Variants in DLG2 observed in about 807,000 individuals in gnomAD.
The protein encoded by DLG2 is discs large MAGUK scaffold protein 2.
Under a neutral mutation model 132.5 loss-of-function variants are expected in DLG2, and 45 were observed. The ratio of observed to expected loss-of-function variants is 0.34; its 90% CI spans 0.27 to 0.44. DLG2 has a LOEUF of 0.44. Among genes scored for constraint, DLG2 ranks in the 20% least tolerant of loss-of-function variants. The pLI, the probability that DLG2 is intolerant of heterozygous loss-of-function variation, is 1.00. For missense variants in DLG2, 1,045 were observed against 1,196.9 expected (o/e 0.87, Z 1.87); for synonymous variants, 424 against 419.6 (o/e 1.01, Z -0.13).
intron 19 of DLG2, among the ~76,000 whole-genome samples, chr11:83,620,989 T>A (rs1241284361): frequency 6.6e-6 from 1 of 151,976 alleles, no homozygotes; most frequent in Non-Finnish European, 1.5e-5. Flanking sequence ...TTAATTTTTT[T>A]AGCTATAAGG....
At chr11:85,217,312 T>TCACA (rs2082681169) in intron 4 of DLG2, among the ~76,000 whole-genome samples, 2 of 23,448 alleles carry the variant, frequency 8.5e-5, no homozygotes, top group African/African-American at 1.3e-4. Context: ...AGATTCTCTC[T>TCACA]CTCTCTCACA....
intron 6 of DLG2, among the ~76,000 whole-genome samples, chr11:84,865,051 A>G (rs2084338381): frequency 6.6e-6 from 1 of 152,180 alleles, no homozygotes; most frequent in Non-Finnish European, 1.5e-5. Context: ...AAAGGGCTTG[A>G]CAGTGGCCAG....
At chr11:84,209,276 A>C (rs1054321267) in intron 8 of DLG2, among the ~76,000 whole-genome samples, 1 of 152,248 alleles carries the variant, frequency 6.6e-6, no homozygotes, top group African/African-American at 2.4e-5. Context: ...TTCACAGGAT[A>C]CTTGGCCAGT....
intron 3 of DLG2, among the ~76,000 whole-genome samples, chr11:85,577,469 G>A (rs982962236): frequency 6.6e-6 from 1 of 152,090 alleles, no homozygotes; most frequent in Admixed American, 6.6e-5. Flanking sequence ...TATTGAGATA[G>A]TGAAGACTAG....
chr11:84,226,456 A>T (rs1217640303), intron 8 of DLG2, among the ~76,000 whole-genome samples: 5 of 152,222 alleles, frequency 3.3e-5, no homozygotes, highest in Admixed American at 6.5e-5. Context: ...TTCAGGGATC[A>T]AAATGTCACA....
At chr11:84,969,022 C>T (rs1439225361) in intron 6 of DLG2, among the ~76,000 whole-genome samples, 1 of 150,864 alleles carries the variant, frequency 6.6e-6, no homozygotes, top group African/African-American at 2.4e-5. Context: ...GAAAGCCTCT[C>T]TACTTAAAGC....
intron 6 of DLG2, among the ~76,000 whole-genome samples, chr11:84,738,240 G>A (rs1470022177): frequency 8.9e-5 from 13 of 146,682 alleles, no homozygotes; most frequent in Admixed American, 8.8e-4. Context: ...CTTTTTTTTT[G>A]CTTGTTAAAA....
intron 7 of DLG2, among the ~76,000 whole-genome samples, chr11:84,421,576 C>A (rs917211931): frequency 2.6e-5 from 4 of 152,192 alleles, no homozygotes; most frequent in African/African-American, 9.6e-5. Flanking sequence ...ATTCTGCTAC[C>A]AGATAAGTTT....
chr11:85,605,397 A>G (rs1392388065), intron 2 of DLG2, among the ~76,000 whole-genome samples: 1 of 152,258 alleles, frequency 6.6e-6, no homozygotes, highest in African/African-American at 2.4e-5. Flanking sequence ...ACTGAATTTT[A>G]GAATCTAGGG....
At chr11:85,103,156 GAT>G (rs1251412137) in intron 6 of DLG2, among the ~76,000 whole-genome samples, 16 of 151,942 alleles carry the variant, frequency 1.1e-4, no homozygotes, top group African/African-American at 3.4e-4. Context: ...TGGATCAGAA[GAT>G]ATAATACTGA....
At chr11:83,470,166 CGAT>C (rs71066041) in intron 24 of DLG2, among the ~76,000 whole-genome samples, 32,686 of 151,436 alleles carry the variant, frequency 0.22, 4,046 homozygotes, top group Non-Finnish European at 0.29. Context: ...AACACAATTA[CGAT>C]GATATTTTTG....
At chr11:84,109,262 G>C (rs183765792) in intron 9 of DLG2, among the ~76,000 whole-genome samples, 1 of 152,286 alleles carries the variant, frequency 6.6e-6, no homozygotes, top group African/African-American at 2.4e-5. Context: ...AAAGTTCTAA[G>C]CAAAGTTATC....
chr11:84,900,035 T>C (rs150004128), intron 6 of DLG2, among the ~76,000 whole-genome samples: 1 of 152,136 alleles, frequency 6.6e-6, no homozygotes, highest in African/African-American at 2.4e-5. Flanking sequence ...GAATTTGCCT[T>C]AGATCATTAA....
rs1593115420 is a variant in DLG2, at chr11:85,040,625, C to A, written c.357+71036G>T. Among the ~76,000 whole-genome samples, 3 of 152,062 alleles carry A rather than the reference C, an allele frequency of 2.0e-5. No homozygotes were observed. The East Asian group carries it at 5.8e-4, about 29-fold the overall frequency. The stretch of plus-strand genomic sequence containing the variant: ...TCTGCCTTGTGAACTTTTATAACCT[C>A]ACTCTGTTACAGACACCATCAATCT... On this transcript the variant is annotated intron_variant, in intron 6 of 27. Coordinates refer to ENST00000376104, the MANE Select transcript of DLG2 (RefSeq NM_001142699.3).
Position 85,424,424 on chromosome 11 carries a change from T to C in DLG2, c.41-139059A>G, listed in dbSNP as rs547174761. ...CCAAGTCAGAGCTGCAATCTAGTCC[T>C]ACCTCCCATCCGCCATGACCCCCAG... On this transcript the variant is annotated intron_variant, in intron 3 of 27. Transcript: ENST00000376104. Among the ~76,000 whole-genome samples, 4 of 152,300 alleles carry C rather than the reference T, an allele frequency of 2.6e-5. No individual in the cohort carries two copies. In the South Asian group the frequency reaches 8.3e-4, roughly 32 times the overall value.
At chr11:83,735,954 C>T (rs1377253235) in intron 18 of DLG2, among the ~76,000 whole-genome samples, 1 of 152,160 alleles carries the variant, frequency 6.6e-6, no homozygotes, top group Non-Finnish European at 1.5e-5. Flanking sequence ...CAGCAACATC[C>T]AGAAAACAGG....
intron 18 of DLG2, among the ~76,000 whole-genome samples, chr11:83,747,053 T>C (rs1453414311): frequency 6.6e-6 from 1 of 152,142 alleles, no homozygotes; most frequent in Non-Finnish European, 1.5e-5. Context: ...GGACATATAA[T>C]AACCTTAAAC....
At chr11:85,590,489 A>C (rs1202515881) in intron 3 of DLG2, among the ~76,000 whole-genome samples, 2 of 152,202 alleles carry the variant, frequency 1.3e-5, no homozygotes, top group East Asian at 3.8e-4. Flanking sequence ...AATAATGTCT[A>C]TATCACATTC....
chr11:83,828,058 T>C (rs897676813), intron 17 of DLG2, among the ~76,000 whole-genome samples: 24 of 152,018 alleles, frequency 1.6e-4, no homozygotes, highest in African/African-American at 5.6e-4. Context: ...GGATAAGGGG[T>C]AGGCCTGGAA....
Sources: allele counts gnomAD v4.1 joint callset (sites outside exome capture counted in the v4.1 genomes callset), GRCh38; gene constraint gnomAD v4.1.1; transcripts MANE v1.5; gene names NCBI Gene and HGNC (gene_info 2026-07-23, HGNC 2026-07-21).